The following FRMD4B variants were observed in gnomAD, a reference collection of about 807,000 sequenced individuals.
The protein encoded by FRMD4B is FERM domain-containing protein 4B.
In FRMD4B, 74 loss-of-function variants were observed where a neutral mutation model predicts 141.5. That is an observed-to-expected ratio of 0.52 (90% CI 0.43 to 0.63). The LOEUF is 0.63. FRMD4B is among the 30% of genes least tolerant of loss of function. FRMD4B has a pLI of 0.00. For missense variants in FRMD4B, 1,366 were observed against 1,253.4 expected (o/e 1.09, Z -1.36); for synonymous variants, 506 against 467.9 (o/e 1.08, Z -1.05).
intron 1 of FRMD4B, among the ~76,000 whole-genome samples, chr3:69,454,833 C>A (rs139402491): frequency 1.9e-4 from 29 of 152,328 alleles, no homozygotes; most frequent in South Asian, 8.3e-4. Flanking sequence ...GCAGGACTGG[C>A]GGGCACCTCC....
intron 11 of FRMD4B, among the ~76,000 whole-genome samples, chr3:69,212,381 G>GAAAAAAAAAAAAAA (rs61444871): frequency 2.1e-5 from 2 of 95,598 alleles, no homozygotes; most frequent in Non-Finnish European, 3.8e-5. Flanking sequence ...AAAAAAAAAA[G>GAAAAAAAAAAAAAA]AAAAAAAAAA....
intron 11 of FRMD4B, among the ~76,000 whole-genome samples, 172 bp downstream of exon 11, chr3:69,216,091 T>C (rs1391471998): frequency 6.6e-6 from 1 of 151,810 alleles, no homozygotes; most frequent in African/African-American, 2.4e-5. Context: ...GAGGTGGAGG[T>C]TGCAGTGAGC....
intron 1 of FRMD4B, among the ~76,000 whole-genome samples, chr3:69,493,713 C>T (rs551408913): frequency 2.9e-4 from 44 of 152,188 alleles, no homozygotes; most frequent in African/African-American, 7.7e-4. Flanking sequence ...ATCTCTCTCT[C>T]GATTATAAGC....
intron 1 of FRMD4B, among the ~76,000 whole-genome samples, chr3:69,476,543 G>A (rs1427924215): frequency 1.3e-5 from 2 of 152,096 alleles, no homozygotes; most frequent in Non-Finnish European, 2.9e-5. Context: ...TGAGGGCTCT[G>A]TTCTGTTCCA....
intron 2 of FRMD4B, among the ~76,000 whole-genome samples, chr3:69,420,798 A>G (rs1272235191): frequency 6.6e-6 from 1 of 152,216 alleles, no homozygotes; most frequent in African/African-American, 2.4e-5. Flanking sequence ...ATATCAGAAG[A>G]AGCCAAAAGC....
chr3:69,508,248 A>T (rs577208262), intron 1 of FRMD4B, among the ~76,000 whole-genome samples: 1 of 152,352 alleles, frequency 6.6e-6, no homozygotes, highest in South Asian at 2.1e-4. Context: ...AAAAACTTTT[A>T]TTTTATTAAA....
intron 1 of FRMD4B, among the ~76,000 whole-genome samples, chr3:69,328,343 C>G (rs1442183893): frequency 6.6e-6 from 1 of 152,200 alleles, no homozygotes; most frequent in Non-Finnish European, 1.5e-5. Context: ...CGTCTCTTCC[C>G]AGATCAGTAA....
Position 69,187,861 on chromosome 3 carries a change from T to C in FRMD4B, c.1828A>G (p.Arg610Gly), listed in dbSNP as rs1211463256. ...QRSSSVPHSP[R>G]ILPPKSLGIE... ...CCAAGAGACTTGGGGGGAAGAATTC[T>C]TGGAGAATGAGGTACTGAACTTGAT... Residue 610 changes from arginine to glycine, a missense_variant, in exon 19 of 23, where the codon AGA (arginine) becomes GGA (glycine). Physicochemically the swap from Arg to Gly is moderately radical, Grantham distance 125 (BLOSUM62 -2). Transcript: ENST00000398540. The C allele has an allele frequency of 1.2e-6, 2 of 1,610,774 alleles. No homozygotes were observed. Among genetic ancestry groups the C allele is most frequent in the East Asian group, 2.2e-5 (1 of 44,814 alleles).
chr3:69,276,448 A>G (rs757433202), intron 5 of FRMD4B, among the ~76,000 whole-genome samples: 3 of 151,756 alleles, frequency 2.0e-5, no homozygotes, highest in Admixed American at 6.6e-5. Flanking sequence ...AATTTTTTTT[A>G]TGGTTTGTAG....
chr3:69,333,527 C>T (rs2107342262), intron 1 of FRMD4B, among the ~76,000 whole-genome samples: 1 of 152,240 alleles, frequency 6.6e-6, no homozygotes, highest in East Asian at 1.9e-4. Flanking sequence ...GTGTGACAGC[C>T]AATTTGAATT....
intron 7 of FRMD4B, among the ~76,000 whole-genome samples, chr3:69,235,491 T>C (rs747892531): frequency 1.9e-4 from 29 of 151,732 alleles, no homozygotes; most frequent in Non-Finnish European, 2.9e-4. Context: ...AAACCCTGTC[T>C]CTACTAAAAA....
intron 1 of FRMD4B, among the ~76,000 whole-genome samples, chr3:69,358,106 C>A (rs1433948433): frequency 6.6e-6 from 1 of 152,210 alleles, no homozygotes; most frequent in Non-Finnish European, 1.5e-5. Context: ...ACATTTCTTT[C>A]ACACACATGC....
At chr3:69,515,419 T>C (rs995831244) in intron 1 of FRMD4B, among the ~76,000 whole-genome samples, 3 of 152,204 alleles carry the variant, frequency 2.0e-5, no homozygotes, top group Non-Finnish European at 2.9e-5. Context: ...TATCTTCAAT[T>C]ATTTTGAAGT....
At position 69,463,161 on chromosome 3, in the gene FRMD4B, A is replaced by G. The variant is rs147439613; in HGVS notation, c.-128-30400T>C. ...ATCTAGAGCAACCATCAGCCCAGGA[A>G]GTTTCCTTAGACCCCTCACCAGTCA... On this transcript the variant is annotated intron_variant, in intron 1 of 5. Transcript: ENST00000459638. Among the ~76,000 whole-genome samples the G allele has an allele frequency of 3.9e-5, 6 of 152,350 alleles. No homozygotes were observed. The East Asian group carries it at 1.2e-3, about 29-fold the overall frequency.
At chr3:69,477,220 G>A (rs1188260361) in intron 1 of FRMD4B, among the ~76,000 whole-genome samples, 2 of 151,918 alleles carry the variant, frequency 1.3e-5, no homozygotes, top group African/African-American at 4.8e-5. Context: ...TGATTTCTCT[G>A]GCCAGAACTT....
intron 1 of FRMD4B, among the ~76,000 whole-genome samples, chr3:69,523,236 A>C (rs1700880218): frequency 6.6e-6 from 1 of 152,142 alleles, no homozygotes; most frequent in Admixed American, 6.5e-5. Context: ...AAAAAGGATG[A>C]AGAAATTAAT....
chr3:69,352,698 T>C (rs544958035), intron 1 of FRMD4B, among the ~76,000 whole-genome samples: 26 of 152,210 alleles, frequency 1.7e-4, no homozygotes, highest in Non-Finnish European at 3.2e-4. Flanking sequence ...GGACTTCCTC[T>C]GACAAATCAT....
At chr3:69,393,966 A>C (rs2106731363) in intron 2 of FRMD4B, among the ~76,000 whole-genome samples, 1 of 152,202 alleles carries the variant, frequency 6.6e-6, no homozygotes, top group East Asian at 1.9e-4. Context: ...CAGTCCTTTA[A>C]TTAAGAGACA....
chr3:69,461,613 G>T (rs1705707995), intron 1 of FRMD4B, among the ~76,000 whole-genome samples: 1 of 87,854 alleles, frequency 1.1e-5, no homozygotes, highest in Non-Finnish European at 1.9e-5. Flanking sequence ...GACAAAGTGA[G>T]ACTCTGTCTC....
Sources: allele counts gnomAD v4.1 joint callset (sites outside exome capture counted in the v4.1 genomes callset), GRCh38; gene constraint gnomAD v4.1.1; transcripts MANE v1.5; gene names NCBI Gene and HGNC (gene_info 2026-07-23, HGNC 2026-07-21).